The following MYRIP variants were observed in gnomAD, a reference collection of about 807,000 sequenced individuals.
MYRIP encodes the protein myosin VIIA and Rab interacting protein, also known as rab effector MyRIP.
MYRIP carries 49 observed loss-of-function variants against 98.0 expected under a neutral mutation model. That is an observed-to-expected ratio of 0.50 (90% CI 0.40 to 0.63). The LOEUF is 0.63. Ranked by LOEUF, MYRIP falls within the 30% of genes least tolerant of loss-of-function variation. MYRIP has a pLI of 0.00. For synonymous variants in MYRIP, 404 were observed against 409.5 expected (o/e 0.99, Z 0.16); for missense variants, 1,004 against 1,058.2 (o/e 0.95, Z 0.71).
chr3:39,999,598 C>A (rs991164167), intron 2 of MYRIP, among the ~76,000 whole-genome samples: 1 of 152,080 alleles, frequency 6.6e-6, no homozygotes, highest in Non-Finnish European at 1.5e-5. Context: ...TAGTTTCAAC[C>A]ATTGTGGAAG....
rs1352361039 is a variant in MYRIP at position 39,957,297 on chromosome 3, G to A, written c.110+56371G>A. On this transcript the variant is annotated intron_variant, in intron 2 of 16. Transcript: ENST00000302541. ...ATCCCCAATAAAATACTGGCAAACC[G>A]AATCCAGCAGCATATCAAAAAGCTT... Among the ~76,000 whole-genome samples, 5 of 151,816 alleles carry A rather than the reference G, an allele frequency of 3.3e-5. No individual in the cohort carries two copies. The South Asian group carries it at 6.2e-4, about 19-fold the overall frequency.
intron 1 of MYRIP, among the ~76,000 whole-genome samples, chr3:39,881,464 G>GT (rs536081360): frequency 1.3e-5 from 2 of 152,154 alleles, no homozygotes; most frequent in African/African-American, 4.8e-5. Context: ...AAACGTATCA[G>GT]TTTTTTCCTC....
intron 2 of MYRIP, among the ~76,000 whole-genome samples, chr3:40,000,747 T>C (rs896836934): frequency 1.7e-4 from 26 of 152,100 alleles, no homozygotes; most frequent in African/African-American, 4.8e-4. Context: ...CTGTAACCCA[T>C]CCCCATTCGC....
intron 2 of MYRIP, among the ~76,000 whole-genome samples, chr3:39,922,071 C>T (rs1165081173): frequency 6.6e-6 from 1 of 151,856 alleles, no homozygotes; most frequent in Non-Finnish European, 1.5e-5. Context: ...GGCTGTGTTC[C>T]CTGGGTACTG....
At chr3:40,155,945 C>G (rs1016593565) in intron 4 of MYRIP, among the ~76,000 whole-genome samples, 7 of 151,996 alleles carry the variant, frequency 4.6e-5, no homozygotes, top group Non-Finnish European at 1.0e-4. Flanking sequence ...TGTAGGTTGC[C>G]TGTTCACTCT....
intron 14 of MYRIP, 46 bp from the exon 15 acceptor site, chr3:40,250,393 T>A (rs773477202): frequency 6.2e-7 from 1 of 1,612,074 alleles, no homozygotes; most frequent in Non-Finnish European, 8.5e-7. Flanking sequence ...AGACAAAATA[T>A]CTTTGGCTCT....
At chr3:39,866,419 A>G (rs968883898) in intron 1 of MYRIP, among the ~76,000 whole-genome samples, 1 of 152,242 alleles carries the variant, frequency 6.6e-6, no homozygotes, top group Non-Finnish European at 1.5e-5. Flanking sequence ...CTATATCATA[A>G]CAAAACTACC....
intron 2 of MYRIP, among the ~76,000 whole-genome samples, chr3:39,974,676 C>G (rs1945698013): frequency 6.6e-6 from 1 of 152,182 alleles, no homozygotes; most frequent in South Asian, 2.1e-4. Context: ...CCAAATCCAG[C>G]AGCACATCAA....
At chr3:39,878,920 G>C (rs573963745) in intron 1 of MYRIP, among the ~76,000 whole-genome samples, 97 of 147,790 alleles carry the variant, frequency 6.6e-4, no homozygotes, top group African/African-American at 2.2e-3. Context: ...AAAAAAAATA[G>C]CTGGGCATGG....
chr3:39,817,699 A>G (rs544004778), intron 1 of MYRIP, among the ~76,000 whole-genome samples: 2 of 152,240 alleles, frequency 1.3e-5, no homozygotes, highest in African/African-American at 4.8e-5. Flanking sequence ...TACCCACAAC[A>G]CATTTCAACT....
At chr3:40,030,331 T>C (rs1947231426) in intron 2 of MYRIP, among the ~76,000 whole-genome samples, 1 of 152,096 alleles carries the variant, frequency 6.6e-6, no homozygotes, top group African/African-American at 2.4e-5. Flanking sequence ...TTTTTTAAAA[T>C]GCAGACAATT....
intron 1 of MYRIP, among the ~76,000 whole-genome samples, chr3:39,849,042 G>T (rs557261487): frequency 1.3e-5 from 2 of 152,278 alleles, no homozygotes; most frequent in South Asian, 4.1e-4. Context: ...GTCTCTAGGA[G>T]AATTTTTTAT....
chr3:39,875,580 G>A (rs1348288981), intron 1 of MYRIP, among the ~76,000 whole-genome samples: 23 of 151,584 alleles, frequency 1.5e-4, no homozygotes, highest in Non-Finnish European at 2.2e-4. Context: ...CTTTATTTCT[G>A]CCTTCATTTT....
intron 2 of MYRIP, among the ~76,000 whole-genome samples, chr3:39,956,765 A>T (rs1489702650): frequency 2.0e-5 from 3 of 151,908 alleles, no homozygotes; most frequent in African/African-American, 7.3e-5. Context: ...AGATCAACAA[A>T]ATTGATAGAC....
At chr3:40,086,102 G>T (rs1237712021) in intron 3 of MYRIP, among the ~76,000 whole-genome samples, 1 of 152,114 alleles carries the variant, frequency 6.6e-6, no homozygotes, top group African/African-American at 2.4e-5. Flanking sequence ...CCACAGGAAG[G>T]CAAGGAAAAG....
At chr3:40,033,222 C>A (rs563333393) in intron 2 of MYRIP, among the ~76,000 whole-genome samples, 2 of 143,468 alleles carry the variant, frequency 1.4e-5, no homozygotes, top group East Asian at 4.0e-4. Context: ...CTGGCCAGGG[C>A]AATTAGCCAG....
intron 7 of MYRIP, among the ~76,000 whole-genome samples, chr3:40,168,824 G>A (rs1173064394): frequency 5.3e-5 from 8 of 152,202 alleles, no homozygotes; most frequent in African/African-American, 1.7e-4. Context: ...CAAAGCCAAG[G>A]GCTGGGACGT....
intron 2 of MYRIP, among the ~76,000 whole-genome samples, chr3:39,979,788 A>G (rs1598999): frequency 0.27 from 41,788 of 152,130 alleles, 6,423 homozygotes; most frequent in Non-Finnish European, 0.35. Context: ...TGATTTTAAA[A>G]TGGCAATTGA....
At chr3:40,121,417 A>G (rs986725314) in intron 3 of MYRIP, among the ~76,000 whole-genome samples, 6 of 152,156 alleles carry the variant, frequency 3.9e-5, no homozygotes, top group African/African-American at 1.4e-4. Flanking sequence ...ATTTAAGGCA[A>G]GCATTTTGAC....
Sources: gnomAD v4.1 joint callset for allele counts (sites outside exome capture counted in the v4.1 genomes callset) on GRCh38, gnomAD v4.1.1 for gene constraint, MANE v1.5 for transcripts, NCBI Gene and HGNC (gene_info 2026-07-23, HGNC 2026-07-21) for gene names.